SLC36A1: variants seen among roughly 807,000 people sequenced by gnomAD.
The protein encoded by SLC36A1 is solute carrier family 36 member 1, also known as proton-coupled amino acid transporter 1.
Under a neutral mutation model 47.5 loss-of-function variants are expected in SLC36A1, and 30 were observed. The observed-to-expected ratio is 0.63, with a 90% CI of 0.47 to 0.86. SLC36A1 has a LOEUF of 0.86. Ranked by LOEUF, SLC36A1 falls within the 40% of genes least tolerant of loss-of-function variation. The pLI is 0.00. For synonymous variants in SLC36A1, 255 were observed against 249.7 expected (o/e 1.02, Z -0.20); for missense variants, 517 against 606.0 (o/e 0.85, Z 1.54).
the SLC36A1 span, chr5:151,507,344 G>A: frequency 6.2e-7 from 1 of 1,614,192 alleles, no homozygotes; most frequent in East Asian, 2.2e-5. Context: ...TGTTGCAGGA[G>A]CTGGCACTCA....
the SLC36A1 span, among the ~76,000 whole-genome samples, chr5:151,403,321 C>T: frequency 1.1e-4 from 16 of 152,230 alleles, no homozygotes; most frequent in African/African-American, 3.6e-4. Context: ...TGTCATCCCC[C>T]CAGTGTTGAA....
the SLC36A1 span, among the ~76,000 whole-genome samples, chr5:151,377,045 A>G: frequency 6.6e-6 from 1 of 152,268 alleles, no homozygotes; most frequent in African/African-American, 2.4e-5. Context: ...CATGGTATTG[A>G]TTTCTAGTTT....
the SLC36A1 span, among the ~76,000 whole-genome samples, chr5:151,356,361 G>A: frequency 0.16 from 14,159 of 88,146 alleles, 947 homozygotes; most frequent in African/African-American, 0.32. Flanking sequence ...AAAAAAAAAA[G>A]AATACACGAA....
intron 8 of SLC36A1, among the ~76,000 whole-genome samples, chr5:151,474,610 A>G (rs1376207322): frequency 6.6e-6 from 1 of 152,238 alleles, no homozygotes; most frequent in Non-Finnish European, 1.5e-5. Flanking sequence ...TTATTGAATC[A>G]ATAAATGCAT....
intron 3 of SLC36A1, among the ~76,000 whole-genome samples, chr5:151,464,018 A>G (rs552299726): frequency 1.3e-5 from 2 of 152,342 alleles, no homozygotes; most frequent in African/African-American, 4.8e-5. Context: ...TAAATGGCCA[A>G]CTGCAAGAAT....
the SLC36A1 span, among the ~76,000 whole-genome samples, chr5:151,411,329 A>T: frequency 1.4e-5 from 2 of 144,680 alleles, no homozygotes; most frequent in Non-Finnish European, 3.0e-5. Flanking sequence ...ACCATCACCC[A>T]CATGCCTTAA....
At chr5:151,397,647 C>G in the SLC36A1 span, among the ~76,000 whole-genome samples, 3 of 151,694 alleles carry the variant, frequency 2.0e-5, no homozygotes. Context: ...GCCTGTAGTC[C>G]CAGCTACTGG....
intron 9 of SLC36A1, chr5:151,477,683 T>C (rs1223182542): frequency 2.0e-5 from 3 of 152,254 alleles, no homozygotes; most frequent in East Asian, 3.8e-4. Flanking sequence ...TGGATACATA[T>C]GTACAATGTG....
At chr5:151,483,523 GGGTGATTA>G (rs1052144877) in intron 10 of SLC36A1, among the ~76,000 whole-genome samples, 1 of 144,528 alleles carries the variant, frequency 6.9e-6, no homozygotes, top group Non-Finnish European at 1.5e-5. Context: ...TGTGTGGGGG[GGGTGATTA>G]GGGGAGAGTA....
the SLC36A1 span, among the ~76,000 whole-genome samples, chr5:151,542,112 A>C: frequency 6.6e-6 from 1 of 152,248 alleles, no homozygotes; most frequent in Non-Finnish European, 1.5e-5. Context: ...GTGAATGAGA[A>C]CATGCATGCC....
chr5:151,555,544 A>G, the SLC36A1 span, among the ~76,000 whole-genome samples: 2 of 151,096 alleles, frequency 1.3e-5, no homozygotes, highest in Admixed American at 1.3e-4. Context: ...TAATTTTTGT[A>G]TTTTTAGTAC....
the SLC36A1 span, chr5:151,381,975 G>A: frequency 3.8e-6 from 2 of 520,256 alleles, no homozygotes; most frequent in Non-Finnish European, 6.9e-6. Flanking sequence ...GAACCCCTTG[G>A]GGGGTTACAG....
the SLC36A1 span, among the ~76,000 whole-genome samples, chr5:151,360,155 G>A: frequency 6.6e-6 from 1 of 152,124 alleles, no homozygotes; most frequent in Admixed American, 6.5e-5. Flanking sequence ...ATCCTCAACA[G>A]TTGATTCTTA....
chr5:151,521,504 G>A, the SLC36A1 span: 1 of 1,614,234 alleles, frequency 6.2e-7, no homozygotes, highest in African/African-American at 1.3e-5. Flanking sequence ...GCTAGCTCCT[G>A]AAACTCGTAG....
the SLC36A1 span, among the ~76,000 whole-genome samples, chr5:151,404,338 T>G: frequency 2.0e-5 from 3 of 152,134 alleles, no homozygotes; most frequent in African/African-American, 7.2e-5. Context: ...TTGAAAACAG[T>G]AGATGTTTAA....
chr5:151,545,651 A>C, the SLC36A1 span: 3 of 1,614,218 alleles, frequency 1.9e-6, no homozygotes, highest in Non-Finnish European at 2.5e-6. Flanking sequence ...TCCATCTCTG[A>C]TACAATGGTT....
At chr5:151,349,299 C>T in the SLC36A1 span, among the ~76,000 whole-genome samples, 1 of 152,142 alleles carries the variant, frequency 6.6e-6, no homozygotes, top group African/African-American at 2.4e-5. Flanking sequence ...AGAGCTCTTC[C>T]CAGGCATCGT....
the SLC36A1 span, chr5:151,531,789 G>C: frequency 1.2e-6 from 2 of 1,612,870 alleles, no homozygotes; most frequent in South Asian, 2.2e-5. This position sits in a 1 kb window ranked among gnomAD's most constrained non-coding sequence, Gnocchi z 5.7. Context: ...AGACTGTGAC[G>C]GTGCCCAGCG....
In SLC36A1 at chr5:151,488,130, A is replaced by C. The variant is rs1325641967; in HGVS notation, c.1307A>C (p.Lys436Thr). The C allele has an allele frequency of 1.2e-6, 2 of 1,614,064 alleles. No homozygotes were observed. The highest frequency in any genetic ancestry group is 1.7e-6 in the Non-Finnish European group (2 of 1,180,030). ...GGCATGAGCCCCCTCACCATCTTTA[A>C]GGACGCCCTGATCAGCATCCTGGGC... ...SEGMSPLTIF[K>T]DALISILGFV... The change falls in exon 11 of 11, where the codon AAG (lysine) becomes ACG (threonine). Residue 436 changes from lysine (K) to threonine (T), a missense_variant. Transcript: ENST00000243389.
Sources: allele counts gnomAD v4.1 joint callset (sites outside exome capture counted in the v4.1 genomes callset), GRCh38; gene constraint gnomAD v4.1.1; non-coding constraint Gnocchi (gnomAD v3.1); transcripts MANE v1.5; gene names NCBI Gene and HGNC (gene_info 2026-07-23, HGNC 2026-07-21).